CACNB4: variants seen among roughly 807,000 people sequenced by gnomAD.
CACNB4 encodes the protein voltage-dependent L-type calcium channel subunit beta-4.
A neutral mutation model predicts 71.2 loss-of-function variants in CACNB4; 32 were observed. The ratio of observed to expected loss-of-function variants is 0.45; its 90% CI spans 0.34 to 0.60. The LOEUF is 0.60. Among genes scored for constraint, CACNB4 ranks in the 20% least tolerant of loss-of-function variants. CACNB4 has a pLI of 0.01. For missense variants in CACNB4, 464 were observed against 647.9 expected (o/e 0.72, Z 3.08); for synonymous variants, 231 against 236.9 (o/e 0.97, Z 0.23).
intron 2 of CACNB4, chr2:151,969,853 C>T (rs1261357364): frequency 1.3e-5 from 2 of 152,156 alleles, no homozygotes; most frequent in African/African-American, 4.8e-5. Context: ...CTTTTACATA[C>T]ATAAAATTTC....
intron 2 of CACNB4, chr2:151,971,865 C>T (rs2099872637): frequency 2.1e-6 from 1 of 467,996 alleles, no homozygotes; most frequent in Admixed American, 3.4e-5. Context: ...CTCCACTCCT[C>T]ATGTTTCCCA....
chr2:152,051,795 C>T (rs1335086916), intron 2 of CACNB4, among the ~76,000 whole-genome samples: 1 of 152,208 alleles, frequency 6.6e-6, no homozygotes, highest in African/African-American at 2.4e-5. Flanking sequence ...GTTCCCTTTA[C>T]CAGTCACTCC....
At chr2:152,026,379 CTTT>C (rs66836499) in intron 2 of CACNB4, among the ~76,000 whole-genome samples, 1 of 149,722 alleles carries the variant, frequency 6.7e-6, no homozygotes, top group African/African-American at 2.5e-5. Flanking sequence ...TCTCTAGTCC[CTTT>C]TTTTTTTTTT....
intron 12 of CACNB4, among the ~76,000 whole-genome samples, chr2:151,849,521 C>T (rs1157902198): frequency 1.3e-5 from 2 of 152,208 alleles, no homozygotes; most frequent in Non-Finnish European, 2.9e-5. Flanking sequence ...AGCCACCTTC[C>T]TGTTTCAACC....
chr2:151,915,452 A>G (rs554533745), intron 2 of CACNB4, among the ~76,000 whole-genome samples: 1 of 152,344 alleles, frequency 6.6e-6, no homozygotes, highest in South Asian at 2.1e-4. Flanking sequence ...CAAGGAGCTC[A>G]AACAGCTGAG....
At chr2:152,035,645 CTCTCTCTA>C in intron 2 of CACNB4, among the ~76,000 whole-genome samples, 1 of 130,454 alleles carries the variant, frequency 7.7e-6, no homozygotes, top group Non-Finnish European at 1.6e-5. Context: ...CTCTCTCTCT[CTCTCTCTA>C]TATATATATA....
At chr2:151,911,542 A>G (rs971202803) in intron 2 of CACNB4, among the ~76,000 whole-genome samples, 1 of 152,152 alleles carries the variant, frequency 6.6e-6, no homozygotes, top group Non-Finnish European at 1.5e-5. Flanking sequence ...ATCATGGTGG[A>G]TAAGTTTTTT....
At chr2:152,032,018 C>T (rs1225227138) in intron 2 of CACNB4, among the ~76,000 whole-genome samples, 3 of 152,004 alleles carry the variant, frequency 2.0e-5, no homozygotes, top group East Asian at 1.9e-4. Flanking sequence ...CAGGCAAGAG[C>T]GGAGAGCAAC....
intron 2 of CACNB4, among the ~76,000 whole-genome samples, chr2:152,095,070 G>A (rs574720752): frequency 2.4e-4 from 37 of 152,236 alleles, no homozygotes; most frequent in African/African-American, 4.8e-4. Flanking sequence ...TCCTTTCAGC[G>A]GCAAAGTACT....
At chr2:151,918,713 C>T (rs1258743141) in intron 2 of CACNB4, among the ~76,000 whole-genome samples, 1 of 152,204 alleles carries the variant, frequency 6.6e-6, no homozygotes, top group African/African-American at 2.4e-5. Flanking sequence ...CGTACTGCTA[C>T]ATGGCTGCTT....
intron 2 of CACNB4, among the ~76,000 whole-genome samples, chr2:151,965,753 A>G (rs2099870926): frequency 6.6e-6 from 1 of 151,580 alleles, no homozygotes; most frequent in African/African-American, 2.4e-5. Flanking sequence ...TTTTTTAGAG[A>G]TGAGACTCAA....
chr2:151,970,991 CAAAAAAAA>C (rs1289952674), intron 2 of CACNB4: 1 of 113,984 alleles, frequency 8.8e-6, no homozygotes, highest in African/African-American at 3.4e-5. Flanking sequence ...GACTCCGTCT[CAAAAAAAA>C]AAAAAAAAAG....
intron 2 of CACNB4, among the ~76,000 whole-genome samples, chr2:152,031,478 A>G (rs964936769): frequency 5.3e-5 from 8 of 152,260 alleles, no homozygotes; most frequent in African/African-American, 1.4e-4. Context: ...TCCTCCTAAT[A>G]TCCCACTGTT....
Position 151,902,129 on chromosome 2 carries a change from G to T in CACNB4, c.148-18759C>A, listed in dbSNP as rs939193060. Among the ~76,000 whole-genome samples the T allele has an allele frequency of 2.7e-5, 4 of 147,504 alleles. No individual in the cohort carries two copies. In the Admixed American group the frequency reaches 2.8e-4, roughly 10 times the overall value. On this transcript the variant is annotated intron_variant, in intron 2 of 13. Transcript: ENST00000539935. ...AGTTCATTGCAGCTTTGACCTCCCT[G>T]GCTCAAGTGATCCTCTCACCTAAAC...
At chr2:151,892,702 G>A (rs1001198393) in intron 2 of CACNB4, among the ~76,000 whole-genome samples, 1 of 152,320 alleles carries the variant, frequency 6.6e-6, no homozygotes, top group African/African-American at 2.4e-5. Context: ...CAGGAGTCAT[G>A]TCTTACCAGT....
chr2:151,841,883 G>A lies in CACNB4; in HGVS notation c.1302+20C>T, dbSNP rs1365162826. 3.7e-6 allele frequency: 6 copies of A among 1,608,962 alleles called. No individual in the cohort carries two copies. The highest frequency in any genetic ancestry group is 1.3e-5 in the African/African-American group (1 of 74,798). ...TTACATGTAAGGTTGTAAAAAGCAT[G>A]AGTGAAAAAGTGACAATACCTGTAA... On this transcript the variant is annotated intron_variant, in intron 13 of 13. Coordinates refer to ENST00000539935, the MANE Select transcript of CACNB4 (RefSeq NM_000726.5).
intron 2 of CACNB4, among the ~76,000 whole-genome samples, chr2:151,981,484 C>T (rs551904727): frequency 2.0e-4 from 31 of 152,174 alleles, no homozygotes; most frequent in African/African-American, 6.7e-4. Flanking sequence ...GAATTCAGGT[C>T]TGAGCGGAAC....
At chr2:151,876,919 G>C (rs111208078) in intron 4 of CACNB4, among the ~76,000 whole-genome samples, 3,751 of 144,882 alleles carry the variant, frequency 0.026, 157 homozygotes, top group African/African-American at 0.087. Flanking sequence ...ATGTATATAT[G>C]TATATATCTA....
chr2:152,062,076 G>C lies in CACNB4; in HGVS notation c.147+36254C>G, dbSNP rs1237923410. On this transcript the variant is annotated intron_variant, in intron 2 of 13. Transcript: ENST00000539935. Reference sequence around the variant, plus strand: ...ATTAGGAATGCTTTCTGGATTTCCTGATACCCTGAGTAATTCTTTTTCAGC... The same window carrying C: ...ATTAGGAATGCTTTCTGGATTTCCTCATACCCTGAGTAATTCTTTTTCAGC... Among the ~76,000 whole-genome samples, 3 of 150,238 alleles carry C rather than the reference G, an allele frequency of 2.0e-5. No homozygotes were observed. In the South Asian group the frequency reaches 6.4e-4, roughly 32 times the overall value.
Sources: allele counts gnomAD v4.1 joint callset (sites outside exome capture counted in the v4.1 genomes callset), GRCh38; gene constraint gnomAD v4.1.1; transcripts MANE v1.5; gene names NCBI Gene and HGNC (gene_info 2026-07-23, HGNC 2026-07-21).